Variants in ELP3 observed in about 807,000 individuals in gnomAD.
ELP3 encodes the protein elongator complex protein 3.
In ELP3, 56 loss-of-function variants were observed where a neutral mutation model predicts 74.9. The ratio of observed to expected loss-of-function variants is 0.75; its 90% CI spans 0.60 to 0.93. The LOEUF (loss-of-function observed/expected upper bound fraction) is 0.93, where lower values mean the gene tolerates loss of function less well. ELP3 is among the 40% of genes least tolerant of loss of function. The pLI is 0.00. For synonymous variants in ELP3, 222 were observed against 239.8 expected, an observed-to-expected ratio of 0.93 and a Z score of 0.68; for missense variants, 573 against 686.5, an observed-to-expected ratio of 0.83 and a Z score of 1.85.
chr8:28,149,503 T>C (rs757346332), intron 10 of ELP3, among the ~76,000 whole-genome samples: 1 of 152,232 alleles, frequency 6.6e-6, no homozygotes, highest in African/African-American at 2.4e-5. Context: ...CTTTTAATGT[T>C]CGTGGGCTCC....
intron 14 of ELP3, among the ~76,000 whole-genome samples, chr8:28,177,272 C>T (rs962211178): frequency 3.3e-5 from 5 of 151,844 alleles, no homozygotes; most frequent in Admixed American, 6.6e-5. Flanking sequence ...GGTTTAGGGT[C>T]GTGTAGTTAA....
chr8:28,180,635 G>T (rs946683121), intron 14 of ELP3, among the ~76,000 whole-genome samples: 1 of 152,126 alleles, frequency 6.6e-6, no homozygotes, highest in Non-Finnish European at 1.5e-5. Flanking sequence ...TTTTATATGA[G>T]AATTTGCTTT....
upstream of ELP3, chr8:28,092,976 A>G (rs1357028093): frequency 3.0e-6 from 2 of 658,694 alleles, no homozygotes; most frequent in Non-Finnish European, 5.4e-6. Flanking sequence ...CCCATCCTCC[A>G]TCCCTGAGAC....
chr8:28,110,419 C>G lies in ELP3; in HGVS notation c.443C>G (p.Thr148Arg). Residue 148 changes from threonine (T) to arginine (R), a missense_variant, in exon 6 of 15, where the codon ACA becomes AGA. Transcript: ENST00000256398. ...IRARYDPFLQTRHRIEQLKQL... is the reference protein window; with the variant it reads ...IRARYDPFLQRRHRIEQLKQL... Reference sequence around the variant, plus strand: ...GCCAGATATGACCCTTTCCTACAGACAAGACACCGAATAGAACAGGTACAT... The same window carrying G: ...GCCAGATATGACCCTTTCCTACAGAGAAGACACCGAATAGAACAGGTACAT... The G allele has an allele frequency of 6.2e-7, 1 of 1,613,580 alleles. No individual in the cohort carries two copies. The highest frequency in any genetic ancestry group is 8.5e-7 in the Non-Finnish European group (1 of 1,179,796).
At position 28,161,495 on chromosome 8, in the gene ELP3, G is replaced by T. The variant is rs543495870; in HGVS notation, c.1486-502G>T. On this transcript the variant is annotated intron_variant, in intron 13 of 14. Coordinates refer to ENST00000256398, the MANE Select transcript of ELP3 (RefSeq NM_018091.6). Reference sequence around the variant, plus strand: ...AGGCTGAGATAGGAGAATCACTTGAGCCTGGGAGGCGGAGGTTGCAGTGAG... The same window carrying T: ...AGGCTGAGATAGGAGAATCACTTGATCCTGGGAGGCGGAGGTTGCAGTGAG... 2.6e-4 allele frequency among the ~76,000 whole-genome samples: 40 copies of T among 152,030 alleles called. No homozygotes were observed. The South Asian group carries it at 7.9e-3, about 30-fold the overall frequency.
intron 14 of ELP3, among the ~76,000 whole-genome samples, chr8:28,187,526 G>A (rs1190536969): frequency 1.3e-5 from 2 of 152,192 alleles, no homozygotes; most frequent in African/African-American, 4.8e-5. Flanking sequence ...TAGGAGACCT[G>A]CATGATGGTG....
At chr8:28,165,970 G>A (rs1814291571) in intron 14 of ELP3, among the ~76,000 whole-genome samples, 1 of 152,124 alleles carries the variant, frequency 6.6e-6, no homozygotes, top group Non-Finnish European at 1.5e-5. Flanking sequence ...AAAATCAAAT[G>A]AAGCAATTTC....
At chr8:28,105,155 G>A (rs569885616) in intron 3 of ELP3, among the ~76,000 whole-genome samples, 1 of 152,260 alleles carries the variant, frequency 6.6e-6, no homozygotes, top group South Asian at 2.1e-4. Context: ...GACGAGGTGG[G>A]TGGATCACCT....
At chr8:28,188,619 A>G (rs1815334515) in intron 14 of ELP3, among the ~76,000 whole-genome samples, 1 of 152,248 alleles carries the variant, frequency 6.6e-6, no homozygotes, top group East Asian at 1.9e-4. Context: ...GTGCACCCCA[A>G]CGCGGTGGGG....
intron 14 of ELP3, among the ~76,000 whole-genome samples, chr8:28,183,026 C>T (rs529279890): frequency 7.2e-5 from 11 of 152,320 alleles, no homozygotes; most frequent in Admixed American, 2.0e-4. Flanking sequence ...TAACTCTACT[C>T]CTCTCGGCCC....
At chr8:28,105,353 G>T (rs879780255) in intron 3 of ELP3, among the ~76,000 whole-genome samples, 27 of 152,184 alleles carry the variant, frequency 1.8e-4, no homozygotes, top group Non-Finnish European at 3.5e-4. Flanking sequence ...TCACGCCATT[G>T]CACTCCAGCC....
intron 9 of ELP3, among the ~76,000 whole-genome samples, chr8:28,135,916 T>A (rs1216017432): frequency 6.6e-6 from 1 of 152,126 alleles, no homozygotes; most frequent in Non-Finnish European, 1.5e-5. Context: ...CTTGTTCTCT[T>A]TGTTCTTCTG....
Position 28,171,463 on chromosome 8 carries a change from T to C in ELP3, c.1567+9385T>C, listed in dbSNP as rs550223797. On this transcript the variant is annotated intron_variant, in intron 14 of 14. Transcript: ENST00000256398. Reference sequence around the variant, plus strand: ...TTGAATGTCTTTGTCATTTTTATCTTCTTTAGAGAGATGTCTATTTGGGTC... The same window carrying C: ...TTGAATGTCTTTGTCATTTTTATCTCCTTTAGAGAGATGTCTATTTGGGTC... 5.3e-5 allele frequency among the ~76,000 whole-genome samples: 8 copies of C among 152,206 alleles called. No homozygotes were observed. The South Asian group carries it at 8.3e-4, about 16-fold the overall frequency.
At chr8:28,141,196 G>A (rs1443426427) in intron 10 of ELP3, among the ~76,000 whole-genome samples, 1 of 152,208 alleles carries the variant, frequency 6.6e-6, no homozygotes, top group African/African-American at 2.4e-5. Context: ...AAACCTGGCA[G>A]CTGATCAAAG....
At chr8:28,160,498 C>G (rs747157316) in intron 13 of ELP3, 42 bp downstream of exon 13, 3 of 1,552,956 alleles carry the variant, frequency 1.9e-6, no homozygotes, top group Non-Finnish European at 8.8e-7. Flanking sequence ...AAGAAACTGC[C>G]TAAGTAGGAA....
chr8:28,103,625 C>A (rs1194541952), intron 3 of ELP3, among the ~76,000 whole-genome samples: 1 of 152,228 alleles, frequency 6.6e-6, no homozygotes, highest in Non-Finnish European at 1.5e-5. Context: ...ACTGCAAACT[C>A]TTCCAGCATG....
intron 7 of ELP3, among the ~76,000 whole-genome samples, chr8:28,127,465 T>A (rs1189354299): frequency 6.6e-6 from 1 of 152,236 alleles, no homozygotes; most frequent in Non-Finnish European, 1.5e-5. Context: ...TTTAGAGCTT[T>A]TTGCTTTCTG....
In ELP3 at chr8:28,137,842, C is replaced by G; in HGVS notation, c.1051C>G (p.Arg351Gly). The G allele has an allele frequency of 1.2e-6, 2 of 1,613,800 alleles. No individual in the cohort carries two copies. The highest frequency in any genetic ancestry group is 1.7e-6 in the Non-Finnish European group (2 of 1,179,944). The stretch of plus-strand genomic sequence containing the variant: ...TAGTGACCTGGTTGAATTGGTGGCT[C>G]GGATCCTAGCCCTCGTGCCTCCATG... ...SPSDLVELVA[R>G]ILALVPPWTR... Residue 351 changes from arginine to glycine, a missense_variant, in exon 10 of 15, where the codon CGG (arginine) becomes GGG (glycine). Physicochemically the swap from Arg to Gly is moderately radical, Grantham distance 125 (BLOSUM62 -2). Coordinates refer to ENST00000256398, the MANE Select transcript of ELP3 (RefSeq NM_018091.6).
At position 28,116,886 on chromosome 8, in the gene ELP3, A is replaced by G. The variant is rs529928944; in HGVS notation, c.617+3713A>G. ...AAAATCAAACTATACCTTAGATAAA[A>G]TGTGATTGAGGAAAAACAACCTTTA... On this transcript the variant is annotated intron_variant, in intron 7 of 14. Transcript: ENST00000256398. Among the ~76,000 whole-genome samples, 8 of 152,318 alleles carry G rather than the reference A, an allele frequency of 5.3e-5. No homozygotes were observed. In the East Asian group the frequency reaches 1.5e-3, roughly 29 times the overall value.
Sources: gnomAD v4.1 joint callset for allele counts (sites outside exome capture counted in the v4.1 genomes callset) on GRCh38, gnomAD v4.1.1 for gene constraint, MANE v1.5 for transcripts, NCBI Gene and HGNC (gene_info 2026-07-23, HGNC 2026-07-21) for gene names.